DNM1L: variants seen among roughly 807,000 people sequenced by gnomAD.
The protein encoded by DNM1L is dynamin-1-like protein.
In DNM1L, 33 loss-of-function variants were observed where a neutral mutation model predicts 92.8. The ratio of observed to expected loss-of-function variants is 0.36; its 90% CI spans 0.27 to 0.48. DNM1L has a LOEUF of 0.48. Ranked by LOEUF, DNM1L falls within the 20% of genes least tolerant of loss-of-function variation. The pLI, the probability that DNM1L is intolerant of heterozygous loss-of-function variation, is 0.99. For missense variants in DNM1L, 485 were observed against 888.8 expected, an observed-to-expected ratio of 0.55 and a Z score of 5.78; for synonymous variants, 284 against 305.0, an observed-to-expected ratio of 0.93 and a Z score of 0.72.
rs1955163591 is a variant in DNM1L at position 32,739,890 on chromosome 12, G to A, written c.1708-174G>A. On this transcript the variant is annotated intron_variant, in intron 16 of 19. Coordinates refer to ENST00000549701, the MANE Select transcript of DNM1L (RefSeq NM_012062.5). ...CAGAACTTCTTTATTATTTAGATAG[G>A]TCAGGGTTCCAGTTATACATGCTAC... The A allele has an allele frequency of 1.3e-5, 10 of 744,538 alleles. No individual in the cohort carries two copies. The Admixed American group carries it at 2.4e-4, about 18-fold the overall frequency. 46.1% of individuals were successfully genotyped at this position (744,538 alleles called of 1,614,324 possible).
intron 1 of DNM1L, chr12:32,680,125 C>A: frequency 1.6e-6 from 1 of 629,488 alleles, no homozygotes; most frequent in Non-Finnish European, 2.0e-6. Flanking sequence ...GATTTTTCTG[C>A]GTAGGCTGTG....
chr12:32,708,682 A>AT (rs997739517), intron 4 of DNM1L, among the ~76,000 whole-genome samples: 1 of 151,264 alleles, frequency 6.6e-6, no homozygotes, highest in South Asian at 2.1e-4. Context: ...CAAATTGGGA[A>AT]TTTTTTTTTC....
At chr12:32,712,573 C>T (rs1304159250) in intron 5 of DNM1L, among the ~76,000 whole-genome samples, 1 of 145,040 alleles carries the variant, frequency 6.9e-6, no homozygotes, top group Non-Finnish European at 1.5e-5. Flanking sequence ...TCATTTGAGC[C>T]CAGGAGTTTG....
intron 6 of DNM1L, among the ~76,000 whole-genome samples, chr12:32,716,456 C>A (rs2137393870): frequency 6.6e-6 from 1 of 152,208 alleles, no homozygotes; most frequent in South Asian, 2.1e-4. Flanking sequence ...CTCAGCCTCA[C>A]CTGTAGCTAG....
Position 32,701,824 on chromosome 12 carries a change from T to C in DNM1L, c.250+262T>C, listed in dbSNP as rs9738373. Among the ~76,000 whole-genome samples, 23,316 of 150,884 alleles carry C rather than the reference T, an allele frequency of 0.15. 1,893 individuals are homozygous for C. The highest frequency in any genetic ancestry group is 0.21 in the Middle Eastern group (62 of 294). Reference sequence around the variant, plus strand: ...CTCACTGCAACCTCCACCTACTGGGTTCAAGCAATTCTCCTGCCTCAGCCT... The same window carrying C: ...CTCACTGCAACCTCCACCTACTGGGCTCAAGCAATTCTCCTGCCTCAGCCT... On this transcript the variant is annotated intron_variant, in intron 2 of 19. Transcript: ENST00000549701.
chr12:32,730,901 T>A, intron 9 of DNM1L, 113 bp from the exon 10 acceptor site: 3 of 1,478,866 alleles, frequency 2.0e-6, no homozygotes, highest in Non-Finnish European at 2.8e-6. Context: ...AAATTGTTTA[T>A]CTGAGGCTTT....
At chr12:32,706,019 G>T (rs758138223) in intron 2 of DNM1L, 55 of 582,206 alleles carry the variant, frequency 9.4e-5, no homozygotes, top group Non-Finnish European at 1.4e-4. Flanking sequence ...ATTTTTTTTG[G>T]CATTGCATCA....
chr12:32,697,782 C>T (rs954993877), intron 1 of DNM1L, among the ~76,000 whole-genome samples: 1 of 151,308 alleles, frequency 6.6e-6, no homozygotes, highest in Non-Finnish European at 1.5e-5. Flanking sequence ...AAAAAAAAAT[C>T]CCAGGAAGAA....
At chr12:32,690,372 C>T (rs1227300505) in intron 1 of DNM1L, among the ~76,000 whole-genome samples, 1 of 152,138 alleles carries the variant, frequency 6.6e-6, no homozygotes, top group Non-Finnish European at 1.5e-5. Flanking sequence ...TAACCCTTAA[C>T]CCATATTCCC....
chr12:32,724,490 C>T (rs1343061108), intron 9 of DNM1L, among the ~76,000 whole-genome samples: 1 of 148,984 alleles, frequency 6.7e-6, no homozygotes, highest in Non-Finnish European at 1.5e-5. Flanking sequence ...GCAGGAGAAT[C>T]GCTTGAACCC....
At chr12:32,701,091 A>G (rs1218362797) in intron 1 of DNM1L, among the ~76,000 whole-genome samples, 1 of 152,172 alleles carries the variant, frequency 6.6e-6, no homozygotes, top group Non-Finnish European at 1.5e-5. Flanking sequence ...CCTAATCAAC[A>G]TGGAGAAACC....
At chr12:32,682,330 C>A (rs1334760192) in intron 1 of DNM1L, among the ~76,000 whole-genome samples, 1 of 152,104 alleles carries the variant, frequency 6.6e-6, no homozygotes, top group Non-Finnish European at 1.5e-5. Context: ...CAGAGTTTCT[C>A]CATGTTGGTC....
At chr12:32,701,346 A>G in intron 1 of DNM1L, 69 bp from the exon 2 acceptor site, 2 of 1,329,976 alleles carry the variant, frequency 1.5e-6, no homozygotes, top group East Asian at 2.4e-5. Flanking sequence ...GTTTGTTAAT[A>G]TAGTTTATTG....
chr12:32,700,226 T>A (rs1952645796), intron 1 of DNM1L, among the ~76,000 whole-genome samples: 1 of 151,962 alleles, frequency 6.6e-6, no homozygotes, highest in African/African-American at 2.4e-5. Flanking sequence ...TTCAAGCAAT[T>A]CTCCTGCCTC....
intron 1 of DNM1L, among the ~76,000 whole-genome samples, chr12:32,697,177 C>T (rs1414822741): frequency 6.6e-6 from 1 of 151,784 alleles, no homozygotes; most frequent in Non-Finnish European, 1.5e-5. Context: ...TGCAGTGAGC[C>T]ACGATTATGC....
rs746168549 is a variant in DNM1L at position 32,710,972 on chromosome 12, A to G, written c.413A>G (p.Asn138Ser). ...EPIHLKIFSP[N>S]VVNLTLVDLP... is the part of the protein sequence containing the mutation. The stretch of plus-strand genomic sequence containing the variant: ...ATTCATCTTAAGATTTTTTCACCCA[A>G]CGTTGTCAATTTGACACTTGTGGAT... Residue 138 changes from asparagine (N) to serine (S), a missense_variant, in exon 5 of 20, where the codon AAC becomes AGC. By Grantham distance (46) the Asn-to-Ser change is conservative. Transcript: ENST00000549701. 17 of 1,613,860 alleles carry G rather than the reference A, an allele frequency of 1.1e-5. No homozygotes were observed. The Middle Eastern group carries it at 8.2e-4, about 78-fold the overall frequency.
At chr12:32,727,341 A>C in intron 9 of DNM1L, 1 of 799,018 alleles carries the variant, frequency 1.3e-6, no homozygotes, top group Non-Finnish European at 2.3e-6. Flanking sequence ...TCTTTTAACT[A>C]CCCTAGCTAG....
At position 32,743,317 on chromosome 12, in the gene DNM1L, A is replaced by ATAAT. The variant is rs527647703; in HGVS notation, c.2155-36_2155-33dup. The ATAAT allele has an allele frequency of 2.1e-4, 331 of 1,583,002 alleles. No homozygotes were observed. The African/African-American group carries it at 4.1e-3, about 20-fold the overall frequency. ...TAATTCAGATTAATTTCATAACTTT[A>ATAAT]TAATAAGCATTTAAAATTTTTTTTC... On this transcript the variant is annotated intron_variant, in intron 19 of 19. Transcript: ENST00000549701.
chr12:32,680,052 A>G, intron 1 of DNM1L: 2 of 971,440 alleles, frequency 2.1e-6, no homozygotes, highest in Non-Finnish European at 2.4e-6. Flanking sequence ...CCGAAGCAGC[A>G]TTTTAAAAAA....
Sources: allele counts gnomAD v4.1 joint callset (sites outside exome capture counted in the v4.1 genomes callset), GRCh38; gene constraint gnomAD v4.1.1; transcripts MANE v1.5; gene names NCBI Gene and HGNC (gene_info 2026-07-23, HGNC 2026-07-21).